Variants in ASAP2 observed in about 807,000 individuals in gnomAD.
The protein encoded by ASAP2 is ArfGAP with SH3 domain, ankyrin repeat and PH domain 2.
In ASAP2, 45 loss-of-function variants were observed where a neutral mutation model predicts 131.4. The observed-to-expected ratio is 0.34, with a 90% confidence interval of 0.27 to 0.44. The LOEUF (loss-of-function observed/expected upper bound fraction) is 0.44. ASAP2 is among the 20% of genes least tolerant of loss of function. The pLI is 1.00. For synonymous variants in ASAP2, 510 were observed against 503.0 expected, an observed-to-expected ratio of 1.01 and a Z score of -0.19; for missense variants, 1,011 against 1,297.0, an observed-to-expected ratio of 0.78 and a Z score of 3.39.
intron 24 of ASAP2, among the ~76,000 whole-genome samples, chr2:9,394,921 C>T (rs2148809000): frequency 6.6e-6 from 1 of 152,286 alleles, no homozygotes; most frequent in East Asian, 1.9e-4. Context: ...TCTCTTCACG[C>T]CCCCCGTGGT....
At chr2:9,330,258 CTT>C (rs1243573827) in intron 7 of ASAP2, among the ~76,000 whole-genome samples, 1 of 152,138 alleles carries the variant, frequency 6.6e-6, no homozygotes, top group African/African-American at 2.4e-5. Context: ...GAAATCATGT[CTT>C]TTGCAGCAAT....
chr2:9,260,941 G>A (rs1665535488), intron 1 of ASAP2, among the ~76,000 whole-genome samples: 1 of 152,210 alleles, frequency 6.6e-6, no homozygotes, highest in Non-Finnish European at 1.5e-5. Context: ...GTTACCCAGG[G>A]TGGTTAGGGG....
intron 2 of ASAP2, among the ~76,000 whole-genome samples, chr2:9,286,235 A>C (rs1275039574): frequency 6.6e-6 from 1 of 151,948 alleles, no homozygotes; most frequent in Non-Finnish European, 1.5e-5. Flanking sequence ...TGCCTCTACA[A>C]AAAAATACAA....
intron 17 of ASAP2, among the ~76,000 whole-genome samples, chr2:9,375,426 A>C (rs1430374300): frequency 6.6e-6 from 1 of 152,170 alleles, no homozygotes; most frequent in Non-Finnish European, 1.5e-5. Flanking sequence ...CAGTAGGAAA[A>C]TAATTGTATC....
chr2:9,317,752 TCA>T (rs1197784480), intron 3 of ASAP2, among the ~76,000 whole-genome samples: 2 of 149,476 alleles, frequency 1.3e-5, no homozygotes, highest in African/African-American at 2.5e-5. Context: ...ACACTCACAC[TCA>T]CATCCGTACA....
rs901971231 is a variant in ASAP2 at position 9,348,138 on chromosome 2, G to GTTT, written c.1024-2665_1024-2663dup. On this transcript the variant is annotated intron_variant, in intron 11 of 27. Coordinates refer to ENST00000281419, the MANE Select transcript of ASAP2 (RefSeq NM_003887.3). The stretch of plus-strand genomic sequence containing the variant: ...TGTCTGTTTGTTTGTTTGTTTGTTT[G>GTTT]TTTTTTTCTTTTTGAGACGGAGTCT... Among the ~76,000 whole-genome samples the GTTT allele has an allele frequency of 2.0e-5, 3 of 150,838 alleles. No homozygotes were observed. The East Asian group carries it at 5.9e-4, about 30-fold the overall frequency.
At chr2:9,250,603 C>A (rs938199156) in intron 1 of ASAP2, among the ~76,000 whole-genome samples, 1 of 152,110 alleles carries the variant, frequency 6.6e-6, no homozygotes, top group Non-Finnish European at 1.5e-5. Context: ...TGTGCTCTTT[C>A]ATTTAAGCCG....
chr2:9,387,225 A>AAAAAAAAAG (rs1252766109), intron 21 of ASAP2, among the ~76,000 whole-genome samples: 2 of 151,258 alleles, frequency 1.3e-5, no homozygotes, highest in African/African-American at 4.9e-5. Flanking sequence ...AAAAAAAAAA[A>AAAAAAAAAG]AACCATATAA....
intron 20 of ASAP2, 141 bp from the exon 21 acceptor site, chr2:9,385,104 G>C: frequency 1.6e-6 from 1 of 621,710 alleles, no homozygotes; most frequent in Non-Finnish European, 2.9e-6. Context: ...GCAGAGGGGC[G>C]GGGGCTTCAC....
At chr2:9,253,407 G>A (rs1031552396) in intron 1 of ASAP2, among the ~76,000 whole-genome samples, 3 of 144,292 alleles carry the variant, frequency 2.1e-5, no homozygotes, top group Non-Finnish European at 3.1e-5. Flanking sequence ...CAGGTGATCC[G>A]CCCGCGTTGG....
At chr2:9,261,085 G>T (rs1161694549) in intron 1 of ASAP2, among the ~76,000 whole-genome samples, 2 of 152,324 alleles carry the variant, frequency 1.3e-5, no homozygotes, top group East Asian at 3.9e-4. Context: ...GCCACTGGCA[G>T]CTTTCTTGGT....
intron 16 of ASAP2, among the ~76,000 whole-genome samples, chr2:9,373,598 A>G (rs922645410): frequency 2.0e-5 from 3 of 152,232 alleles, no homozygotes. Flanking sequence ...GATTTAGGGC[A>G]GGTACAGAAA....
intron 3 of ASAP2, among the ~76,000 whole-genome samples, chr2:9,300,303 T>G (rs1323533617): frequency 6.6e-6 from 1 of 152,252 alleles, no homozygotes; most frequent in Non-Finnish European, 1.5e-5. Context: ...CAGGCCCACT[T>G]GGAGCACTCC....
chr2:9,282,593 A>G (rs1034713798), intron 2 of ASAP2, among the ~76,000 whole-genome samples: 7 of 152,248 alleles, frequency 4.6e-5, no homozygotes, highest in African/African-American at 1.4e-4. Flanking sequence ...AACTACAGTC[A>G]TGGGCTCTGA....
At chr2:9,369,572 AAGG>A (rs1673772870) in intron 16 of ASAP2, among the ~76,000 whole-genome samples, 1 of 152,178 alleles carries the variant, frequency 6.6e-6, no homozygotes, top group Non-Finnish European at 1.5e-5. Flanking sequence ...AGACGGAAGG[AAGG>A]AGAGAGGCTA....
chr2:9,229,926 G>T (rs188364950), intron 1 of ASAP2, among the ~76,000 whole-genome samples: 1 of 152,158 alleles, frequency 6.6e-6, no homozygotes, highest in Non-Finnish European at 1.5e-5. Flanking sequence ...CAGCCCTGGC[G>T]GTTGTCAGTG....
chr2:9,270,844 G>C (rs1412099276), intron 1 of ASAP2, among the ~76,000 whole-genome samples: 54 of 128,870 alleles, frequency 4.2e-4, no homozygotes, highest in African/African-American at 1.4e-3. Flanking sequence ...CCAGGCTGGA[G>C]TGCAGTGGCG....
intron 1 of ASAP2, among the ~76,000 whole-genome samples, chr2:9,212,782 G>A (rs762099957): frequency 6.6e-5 from 10 of 152,140 alleles, no homozygotes; most frequent in African/African-American, 1.2e-4. Context: ...AGCAACCACC[G>A]GGAGAGCCAT....
chr2:9,269,553 G>T (rs1666193981), intron 1 of ASAP2, among the ~76,000 whole-genome samples: 1 of 152,206 alleles, frequency 6.6e-6, no homozygotes, highest in Admixed American at 6.5e-5. Context: ...GCCATGGGGT[G>T]ATGTTGATGC....
Sources: gnomAD v4.1 joint callset for allele counts (sites outside exome capture counted in the v4.1 genomes callset) on GRCh38, gnomAD v4.1.1 for gene constraint, MANE v1.5 for transcripts, NCBI Gene and HGNC (gene_info 2026-07-23, HGNC 2026-07-21) for gene names.